Variants in SLC2A1 observed in about 807,000 individuals in gnomAD.
The protein encoded by SLC2A1 is solute carrier family 2, facilitated glucose transporter member 1.
SLC2A1 carries 4 observed loss-of-function variants against 46.6 expected under a neutral mutation model. That is an observed-to-expected ratio of 0.09 (90% confidence interval 0.04 to 0.20). SLC2A1 has a LOEUF of 0.20. Among genes scored for constraint, SLC2A1 ranks in the 10% least tolerant of loss-of-function variants. The pLI is 1.00. For missense variants in SLC2A1, 352 were observed against 667.0 expected (o/e 0.53, Z 5.20); for synonymous variants, 253 against 270.0 (o/e 0.94, Z 0.62).
chr1:42,930,044 A>G lies in SLC2A1; in HGVS notation c.517-9T>C. The G allele has an allele frequency of 6.2e-7, 1 of 1,613,750 alleles. No individual in the cohort carries two copies. Among genetic ancestry groups the G allele is most frequent in the Non-Finnish European group, 8.5e-7 (1 of 1,180,002 alleles). ...GAGTCCAGGCCGAACACCTGGGGGA[A>G]GCAGGGGCCGTGAGCGCCTCTGCCC... On this transcript the variant is annotated splice_polypyrimidine_tract_variant and intron_variant, in intron 4 of 9. Transcript: ENST00000426263. This position sits in a 1 kb window ranked among gnomAD's most constrained non-coding sequence, Gnocchi z 6.2.
At chr1:42,956,559 TGG>T (rs1643778873) in intron 1 of SLC2A1, among the ~76,000 whole-genome samples, 1 of 152,038 alleles carries the variant, frequency 6.6e-6, no homozygotes, top group East Asian at 1.9e-4. Context: ...CACTCCAGCC[TGG>T]GCAACAAAAG....
intron 1 of SLC2A1, among the ~76,000 whole-genome samples, chr1:42,943,967 G>A (rs1180355588): frequency 1.3e-5 from 2 of 152,226 alleles, no homozygotes; most frequent in Non-Finnish European, 1.5e-5. Flanking sequence ...TGAGCCCTGA[G>A]AGGGTGAGGC....
intron 1 of SLC2A1, among the ~76,000 whole-genome samples, chr1:42,950,220 C>T (rs76343861): frequency 0.014 from 2,076 of 152,344 alleles, 47 homozygotes; most frequent in African/African-American, 0.048. Context: ...AACACAGCCA[C>T]ACTCATTTGT....
chr1:42,946,710 G>A (rs1303263737), intron 1 of SLC2A1, among the ~76,000 whole-genome samples: 1 of 152,134 alleles, frequency 6.6e-6, no homozygotes, highest in East Asian at 1.9e-4. Context: ...AAGAAACAGC[G>A]TGCTCAGTGT....
In SLC2A1 at chr1:42,929,374, G is replaced by A. The variant is rs757770780; in HGVS notation, c.868-60C>T. ...GACATTGTGGCCCTTCCCTGCCTCT[G>A]TAGCAGTGGATGTGGGACCCAGGAT... On this transcript the variant is annotated intron_variant, in intron 6 of 9. Coordinates refer to ENST00000426263, the MANE Select transcript of SLC2A1 (RefSeq NM_006516.4). The surrounding 1 kb of genome is among the most constrained non-coding windows in gnomAD (Gnocchi z 6.0). 2 of 1,384,390 alleles carry A rather than the reference G, an allele frequency of 1.4e-6. No homozygotes were observed. Among genetic ancestry groups the A allele is most frequent in the Non-Finnish European group, 2.0e-6 (2 of 988,558 alleles). 85.8% of individuals were successfully genotyped at this position (1,384,390 alleles called of 1,614,324 possible). A position where few individuals can be genotyped will look rare whatever the true frequency, so the allele number is the denominator to read the frequency against.
At chr1:42,938,431 T>C (rs1380030251) in intron 2 of SLC2A1, among the ~76,000 whole-genome samples, 1 of 152,242 alleles carries the variant, frequency 6.6e-6, no homozygotes, top group African/African-American at 2.4e-5. Flanking sequence ...GCCTGCCTTG[T>C]AGAGTTGCTG....
Position 42,927,710 on chromosome 1 carries a change from C to T in SLC2A1, c.1173G>A (p.Val391=). 6.2e-7 allele frequency: 1 copy of T among 1,614,102 alleles called. No individual in the cohort carries two copies. Among genetic ancestry groups the T allele is most frequent in the Non-Finnish European group, 8.5e-7 (1 of 1,180,006 alleles). Residue 391 remains valine (V), a synonymous_variant, in exon 9 of 10, where the codon GTG becomes GTA. Coordinates refer to ENST00000426263, the MANE Select transcript of SLC2A1 (RefSeq NM_006516.4). This position sits in a 1 kb window ranked among gnomAD's most constrained non-coding sequence, Gnocchi z 5.3. The part of the protein sequence containing the change: ...VGPGPIPWFI[V]AELFSQGPRP... ...GTGGACCCTGGCTGAAGAGTTCAGCCACGATGAACCATGGGATGGGGCCAG... is the reference window on the plus strand; with the variant it reads ...GTGGACCCTGGCTGAAGAGTTCAGCTACGATGAACCATGGGATGGGGCCAG...
Position 42,930,795 on chromosome 1 carries a change from C to G in SLC2A1, c.347G>C (p.Gly116Ala). 1.2e-6 allele frequency: 2 copies of G among 1,602,228 alleles called. No individual in the cohort carries two copies. Among genetic ancestry groups the G allele is most frequent in the East Asian group, 4.5e-5 (2 of 44,874 alleles). Residue 116 changes from glycine to alanine, a missense_variant, in exon 4 of 10, where the codon GGC (glycine) becomes GCC (alanine). Gly to Ala is a moderately conservative substitution (Grantham distance 60). This residue lies in a region of SLC2A1 where 97 missense variants were observed against 175.6 expected (regional missense o/e 0.55). Coordinates refer to ENST00000426263, the MANE Select transcript of SLC2A1 (RefSeq NM_006516.4). This position sits in a 1 kb window ranked among gnomAD's most constrained non-coding sequence, Gnocchi z 6.2. ...CAGGATCAGCATCTCAAAGGACTTGCCCAGTTTCGAGAAGCCCATGAGCAC... is the reference window on the plus strand; with the variant it reads ...CAGGATCAGCATCTCAAAGGACTTGGCCAGTTTCGAGAAGCCCATGAGCAC... ...SAVLMGFSKL[G>A]KSFEMLILGR...
At chr1:42,928,039 A>G (rs1432043944) in intron 8 of SLC2A1, among the ~76,000 whole-genome samples, 1 of 152,132 alleles carries the variant, frequency 6.6e-6, no homozygotes. Flanking sequence ...GGGAGTGGTA[A>G]TGTGGTGTGC....
Position 42,929,215 on chromosome 1 carries a change from C to G in SLC2A1, c.967G>C (p.Val323Leu). The change falls in exon 7 of 10, where the codon GTG (valine) becomes CTG (leucine). Residue 323 changes from valine (V) to leucine (L), a missense_variant. Val to Leu is a conservative substitution (Grantham distance 32). Coordinates refer to ENST00000426263, the MANE Select transcript of SLC2A1 (RefSeq NM_006516.4). The surrounding 1 kb of genome is among the most constrained non-coding windows in gnomAD (Gnocchi z 6.0). ...SGIVNTAFTV[V>L]SLFVVERAGR... ...GCCAGTAAGCAAAGACTCACCGACA[C>G]GACAGTGAAGGCCGTGTTGACGATA... 6.2e-7 allele frequency: 1 copy of G among 1,613,658 alleles called. No individual in the cohort carries two copies. The highest frequency in any genetic ancestry group is 1.1e-5 in the South Asian group (1 of 91,064).
Position 42,929,582 on chromosome 1 carries a change from G to A in SLC2A1, c.867+11C>T, listed in dbSNP as rs749185363. On this transcript the variant is annotated intron_variant, in intron 6 of 9. Coordinates refer to ENST00000426263, the MANE Select transcript of SLC2A1 (RefSeq NM_006516.4). This position sits in a 1 kb window ranked among gnomAD's most constrained non-coding sequence, Gnocchi z 6.0. Reference sequence around the variant, plus strand: ...GGCTGGGGCACAGGAAGGGTGGGTGGGGGCACTCACAGCGTTGATGCCAGA... The same window carrying A: ...GGCTGGGGCACAGGAAGGGTGGGTGAGGGCACTCACAGCGTTGATGCCAGA... 6 of 1,608,220 alleles carry A rather than the reference G, an allele frequency of 3.7e-6. No individual in the cohort carries two copies. The highest frequency in any genetic ancestry group is 1.3e-5 in the African/African-American group (1 of 74,850).
At chr1:42,953,846 C>T (rs774559039) in intron 1 of SLC2A1, among the ~76,000 whole-genome samples, 7 of 152,222 alleles carry the variant, frequency 4.6e-5, no homozygotes, top group Admixed American at 3.3e-4. Flanking sequence ...CGGTACTAGA[C>T]AAGGATCATC....
intron 1 of SLC2A1, among the ~76,000 whole-genome samples, chr1:42,945,094 G>A (rs1643637427): frequency 6.6e-6 from 1 of 152,154 alleles, no homozygotes; most frequent in Non-Finnish European, 1.5e-5. Context: ...TCACCAGGAG[G>A]GCTCACTAAA....
chr1:42,958,613 G>A, intron 1 of SLC2A1, 21 bp downstream of exon 1: 2 of 1,523,234 alleles, frequency 1.3e-6, no homozygotes, highest in Non-Finnish European at 1.8e-6. Flanking sequence ...TGGCGGGAGG[G>A]CCCGCGGGCG....
intron 1 of SLC2A1, among the ~76,000 whole-genome samples, chr1:42,947,581 C>CAAAAAAA (rs144784155): frequency 3.4e-4 from 19 of 55,818 alleles, no homozygotes; most frequent in South Asian, 6.6e-4. Flanking sequence ...CACACACACA[C>CAAAAAAA]AAAAAAAAAA....
At chr1:42,938,827 C>T (rs1315504657) in intron 2 of SLC2A1, among the ~76,000 whole-genome samples, 1 of 152,212 alleles carries the variant, frequency 6.6e-6, no homozygotes, top group Non-Finnish European at 1.5e-5. Context: ...CTTCGTGAAG[C>T]CCTTTTTTTA....
At chr1:42,949,023 G>A (rs1221659589) in intron 1 of SLC2A1, among the ~76,000 whole-genome samples, 10 of 149,756 alleles carry the variant, frequency 6.7e-5, no homozygotes, top group East Asian at 4.0e-4. Flanking sequence ...AGCTGAGATC[G>A]CGCCACTGCA....
chr1:42,953,563 C>T (rs1254949621), intron 1 of SLC2A1, among the ~76,000 whole-genome samples: 1 of 152,232 alleles, frequency 6.6e-6, no homozygotes, highest in African/African-American at 2.4e-5. Context: ...CACCTTTATG[C>T]CCAGGAGTGA....
At chr1:42,956,206 A>G (rs1411969556) in intron 1 of SLC2A1, among the ~76,000 whole-genome samples, 2 of 152,152 alleles carry the variant, frequency 1.3e-5, no homozygotes, top group Non-Finnish European at 2.9e-5. Flanking sequence ...TGAAATTTCT[A>G]TTTTATGAAG....
Sources: allele counts gnomAD v4.1 joint callset (sites outside exome capture counted in the v4.1 genomes callset), GRCh38; gene constraint gnomAD v4.1.1; regional missense constraint gnomAD v4.1.1; non-coding constraint Gnocchi (gnomAD v3.1); transcripts MANE v1.5; gene names NCBI Gene and HGNC (gene_info 2026-07-23, HGNC 2026-07-21).